NRXN1: variants seen among roughly 807,000 people sequenced by gnomAD.
The protein encoded by NRXN1 is neurexin-1.
Under a neutral mutation model 150.9 loss-of-function variants are expected in NRXN1, and 39 were observed. The observed-to-expected ratio is 0.26, with a 90% CI of 0.20 to 0.34. The LOEUF (loss-of-function observed/expected upper bound fraction) is 0.34. NRXN1 is among the 10% of genes least tolerant of loss of function. The pLI, the probability that NRXN1 is intolerant of heterozygous loss-of-function variation, is 1.00. For synonymous variants in NRXN1, 924 were observed against 757.0 expected, an observed-to-expected ratio of 1.22 and a Z score of -3.62; for missense variants, 1,815 against 1,949.9, an observed-to-expected ratio of 0.93 and a Z score of 1.30.
At chr2:50,787,406 C>T (rs1312913455) in intron 5 of NRXN1, among the ~76,000 whole-genome samples, 2 of 151,790 alleles carry the variant, frequency 1.3e-5, no homozygotes, top group East Asian at 3.9e-4. Context: ...ACTAAAAATA[C>T]AATAAATTAG....
chr2:50,596,088 G>A lies in NRXN1; in HGVS notation c.1320+23934C>T, dbSNP rs181316032. Among the ~76,000 whole-genome samples the A allele has an allele frequency of 2.4e-4, 37 of 152,276 alleles. No individual in the cohort carries two copies. In the East Asian group the frequency reaches 7.2e-3, roughly 30 times the overall value. On this transcript the variant is annotated intron_variant, in intron 8 of 22. Coordinates refer to ENST00000401669, the MANE Select transcript of NRXN1 (RefSeq NM_001330078.2). ...GCACTGTTATGATCAGGCATCAGAAGCTTCTCCTCAGCCTTTTACTTCTTC... is the reference window on the plus strand; with the variant it reads ...GCACTGTTATGATCAGGCATCAGAAACTTCTCCTCAGCCTTTTACTTCTTC...
chr2:50,382,279 T>C (rs906302041), intron 17 of NRXN1, among the ~76,000 whole-genome samples: 3 of 152,164 alleles, frequency 2.0e-5, no homozygotes, highest in Admixed American at 6.6e-5. Context: ...ATTGTATTGA[T>C]TTATCTTTAA....
chr2:50,097,865 C>A (rs1700453035), intron 18 of NRXN1, among the ~76,000 whole-genome samples: 1 of 152,062 alleles, frequency 6.6e-6, no homozygotes, highest in Non-Finnish European at 1.5e-5. Flanking sequence ...TCTCGAAATC[C>A]TGACCTCAGG....
At chr2:50,919,299 T>C (rs1231345174) in intron 5 of NRXN1, 2 of 151,752 alleles carry the variant, frequency 1.3e-5, no homozygotes, top group African/African-American at 4.8e-5. Flanking sequence ...GTGAGACCAG[T>C]GCTTACCTCG....
intron 17 of NRXN1, among the ~76,000 whole-genome samples, chr2:50,281,030 C>T (rs1053130899): frequency 8.6e-5 from 13 of 151,674 alleles, no homozygotes; most frequent in South Asian, 2.1e-4. Flanking sequence ...ATAGGCCGGG[C>T]GCGGTGGCTC....
At chr2:51,011,367 A>C (rs1435782643) in intron 2 of NRXN1, among the ~76,000 whole-genome samples, 1 of 152,024 alleles carries the variant, frequency 6.6e-6, no homozygotes, top group Non-Finnish European at 1.5e-5. Flanking sequence ...ACTTAGAATC[A>C]AGTGAAGAAA....
intron 21 of NRXN1, among the ~76,000 whole-genome samples, chr2:50,018,356 G>A (rs554818540): frequency 1.7e-4 from 26 of 152,102 alleles, no homozygotes; most frequent in Non-Finnish European, 3.7e-4. Context: ...AATTACCAAA[G>A]CTTGCTTTTC....
intron 13 of NRXN1, among the ~76,000 whole-genome samples, chr2:50,504,140 T>TGAAAAA (rs2092100525): frequency 8.9e-6 from 1 of 112,436 alleles, no homozygotes; most frequent in Non-Finnish European, 1.7e-5. Context: ...ACATGACAAC[T>TGAAAAA]AAAAAAAAAA....
intron 5 of NRXN1, among the ~76,000 whole-genome samples, chr2:50,746,706 A>G (rs1221886614): frequency 6.6e-6 from 1 of 152,166 alleles, no homozygotes; most frequent in Non-Finnish European, 1.5e-5. Context: ...ACTGGCCACT[A>G]GAGGGCTGCT....
At chr2:50,900,840 C>G (rs1682835562) in intron 5 of NRXN1, among the ~76,000 whole-genome samples, 1 of 152,092 alleles carries the variant, frequency 6.6e-6, no homozygotes, top group Non-Finnish European at 1.5e-5. Flanking sequence ...ATGAGCGCTA[C>G]CTGGATTAGA....
At chr2:50,600,709 A>T (rs1384966877) in intron 8 of NRXN1, among the ~76,000 whole-genome samples, 2 of 152,230 alleles carry the variant, frequency 1.3e-5, no homozygotes, top group Admixed American at 6.5e-5. Flanking sequence ...GACTTTACTT[A>T]GAAGTTTCTA....
intron 3 of NRXN1, 48 bp from the exon 4 acceptor site, chr2:50,922,735 G>C (rs200640739): frequency 1.6e-5 from 25 of 1,596,214 alleles, no homozygotes; most frequent in Non-Finnish European, 1.9e-5. Flanking sequence ...GGGAGCATGG[G>C]AAGGCAGGGT....
intron 18 of NRXN1, among the ~76,000 whole-genome samples, chr2:50,118,626 G>C (rs1703407958): frequency 6.6e-6 from 1 of 152,054 alleles, no homozygotes; most frequent in Non-Finnish European, 1.5e-5. Context: ...CTCTGTGTTT[G>C]ATTTTACTTC....
intron 21 of NRXN1, among the ~76,000 whole-genome samples, chr2:49,991,604 T>C (rs374313296): frequency 1.3e-5 from 2 of 152,268 alleles, no homozygotes; most frequent in South Asian, 2.1e-4. Flanking sequence ...AAGTAAATAA[T>C]GGATAGAACT....
intron 21 of NRXN1, among the ~76,000 whole-genome samples, chr2:49,955,022 GT>G (rs1335125393): frequency 1.3e-5 from 2 of 152,084 alleles, no homozygotes; most frequent in African/African-American, 4.8e-5. Flanking sequence ...AAAAATAATT[GT>G]TATGAAAATA....
At chr2:50,230,865 T>A (rs1372191966) in intron 18 of NRXN1, among the ~76,000 whole-genome samples, 1 of 152,116 alleles carries the variant, frequency 6.6e-6, no homozygotes, top group African/African-American at 2.4e-5. Flanking sequence ...CTTAAGCCAA[T>A]AGAAATGTGA....
chr2:50,838,297 G>A (rs572178092), intron 5 of NRXN1, among the ~76,000 whole-genome samples: 20 of 152,224 alleles, frequency 1.3e-4, no homozygotes, highest in African/African-American at 2.9e-4. Context: ...AGCTCATTGC[G>A]TGTGGATGAA....
chr2:50,201,329 C>G (rs1041121975), intron 18 of NRXN1, among the ~76,000 whole-genome samples: 1 of 152,098 alleles, frequency 6.6e-6, no homozygotes, highest in Non-Finnish European at 1.5e-5. Context: ...CCTCAAAATC[C>G]ATTAAACTAG....
intron 2 of NRXN1, among the ~76,000 whole-genome samples, chr2:50,999,931 A>T (rs952151753): frequency 6.6e-6 from 1 of 152,048 alleles, no homozygotes; most frequent in East Asian, 1.9e-4. Flanking sequence ...AATGAAACAG[A>T]ATCATATTCC....
Sources: allele counts gnomAD v4.1 joint callset (sites outside exome capture counted in the v4.1 genomes callset), GRCh38; gene constraint gnomAD v4.1.1; transcripts MANE v1.5; gene names NCBI Gene and HGNC (gene_info 2026-07-23, HGNC 2026-07-21).